Variants in C1QTNF2 observed in about 807,000 individuals in gnomAD.
C1QTNF2 encodes complement C1q tumor necrosis factor-related protein 2.
In C1QTNF2, 15 loss-of-function variants were observed where a neutral mutation model predicts 17.4. That is an observed-to-expected ratio of 0.86 (90% CI 0.58 to 1.33). The LOEUF is 1.33. Among genes scored for constraint, C1QTNF2 ranks in the 40% most tolerant of loss-of-function variants. The probability of loss-of-function intolerance (pLI) is 0.00; values close to 1 mark genes in which losing one functional copy is unlikely to be tolerated. For synonymous variants in C1QTNF2, 154 were observed against 163.3 expected (o/e 0.94, Z 0.44); for missense variants, 381 against 392.3 (o/e 0.97, Z 0.24).
chr5:160,367,187 CT>C (rs1486345982), intron 1 of C1QTNF2, among the ~76,000 whole-genome samples: 2 of 152,148 alleles, frequency 1.3e-5, no homozygotes, highest in Non-Finnish European at 2.9e-5. Context: ...CTACTCTGTA[CT>C]TTTTGTTTTG....
chr5:160,369,809 G>A (rs370472896), intron 1 of C1QTNF2, among the ~76,000 whole-genome samples: 8 of 152,158 alleles, frequency 5.3e-5, no homozygotes, highest in East Asian at 1.9e-4. Flanking sequence ...GCTGAAAAGC[G>A]AGGTCCTAGA....
intron 1 of C1QTNF2, among the ~76,000 whole-genome samples, chr5:160,363,459 C>T (rs1298498170): frequency 6.6e-6 from 1 of 152,220 alleles, no homozygotes; most frequent in African/African-American, 2.4e-5. Flanking sequence ...TATTTTCTCT[C>T]TCCTCATTTC....
intron 1 of C1QTNF2, among the ~76,000 whole-genome samples, chr5:160,357,684 G>A (rs1483581753): frequency 1.3e-5 from 2 of 152,226 alleles, no homozygotes; most frequent in Non-Finnish European, 2.9e-5. Context: ...GAGAAGGAGG[G>A]AGTAAGTGGA....
Position 160,354,909 on chromosome 5 carries a change from C to T in C1QTNF2, c.103G>A (p.Val35Ile), listed in dbSNP as rs1338534611. Residue 35 changes from valine to isoleucine, a missense_variant, in exon 2 of 3, where the codon GTC becomes ATC. Physicochemically the swap from Val to Ile is conservative, Grantham distance 29. Coordinates refer to ENST00000652664, the MANE Select transcript of C1QTNF2 (RefSeq NM_031908.6). ...RDFRKGSPQL[V>I]CSLPGPQGPP... is the part of the protein sequence containing the mutation. ...CCCTGGGGGCCAGGCAGGCTGCAGA[C>T]CAGTTGAGGGGAGCCTTTCCGGAAG... 1.9e-6 allele frequency: 3 copies of T among 1,601,956 alleles called. No homozygotes were observed. Among genetic ancestry groups the T allele is most frequent in the East Asian group, 2.2e-5 (1 of 44,486 alleles).
rs766653176 is a variant in C1QTNF2 at position 160,370,446 on chromosome 5, G to GTCC, written c.-10+63_-10+65dup. ...TCCCGCCCCGCCCGCAGCAGTGCGA[G>GTCC]TCCTCCTCCTCCTCCTCCCCGCGCG... On this transcript the variant is annotated intron_variant, in intron 1 of 2. Coordinates refer to ENST00000652664, the MANE Select transcript of C1QTNF2 (RefSeq NM_031908.6). 2.2e-5 allele frequency: 30 copies of GTCC among 1,365,626 alleles called. No individual in the cohort carries two copies. In the East Asian group the frequency reaches 4.3e-4, roughly 20 times the overall value. 84.6% of individuals were successfully genotyped at this position (1,365,626 alleles called of 1,614,324 possible).
rs1763827882 is a variant in C1QTNF2, at chr5:160,347,765, TTTTTG to T, written c.*1398_*1402del. On this transcript the variant is annotated 3_prime_UTR_variant, in exon 3 of 3. Coordinates refer to ENST00000652664, the MANE Select transcript of C1QTNF2 (RefSeq NM_031908.6). The stretch of plus-strand genomic sequence containing the variant: ...CGTTTTTGTTTTTGTTTTTTTTTTT[TTTTTG>T]TTTTTTTTTGAGATAGTCTCACTCT... The T allele has an allele frequency of 6.7e-6, 1 of 149,258 alleles. No individual in the cohort carries two copies. Among genetic ancestry groups the T allele is most frequent in the African/African-American group, 2.5e-5 (1 of 40,288 alleles). 9.2% of individuals were successfully genotyped at this position (149,258 alleles called of 1,614,324 possible).
intron 1 of C1QTNF2, among the ~76,000 whole-genome samples, chr5:160,367,574 G>C (rs1250855096): frequency 2.6e-5 from 4 of 152,218 alleles, no homozygotes; most frequent in Admixed American, 6.5e-5. Context: ...CACAGCAGAT[G>C]ATGGCCACCT....
At chr5:160,370,176 T>G (rs1418693848) in intron 1 of C1QTNF2, among the ~76,000 whole-genome samples, 2 of 152,108 alleles carry the variant, frequency 1.3e-5, no homozygotes, top group African/African-American at 4.8e-5. Context: ...TCTGTTGTCA[T>G]GAAAATGAAA....
chr5:160,362,517 A>T (rs1481007510), intron 1 of C1QTNF2, among the ~76,000 whole-genome samples: 1 of 152,182 alleles, frequency 6.6e-6, no homozygotes, highest in African/African-American at 2.4e-5. Context: ...CCCTTGCAAA[A>T]AATCACCATA....
chr5:160,361,737 C>T (rs1764157744), intron 1 of C1QTNF2, among the ~76,000 whole-genome samples: 1 of 152,188 alleles, frequency 6.6e-6, no homozygotes. Flanking sequence ...TTAACCTCCT[C>T]TGGGAAGCCC....
At chr5:160,356,011 C>G (rs1267435047) in intron 1 of C1QTNF2, among the ~76,000 whole-genome samples, 1 of 152,208 alleles carries the variant, frequency 6.6e-6, no homozygotes, top group Admixed American at 6.5e-5. Flanking sequence ...TAGACCGTGT[C>G]CTTAAGGCTG....
chr5:160,355,196 G>A (rs1764025701), intron 1 of C1QTNF2, 176 bp from the exon 2 acceptor site: 1 of 983,532 alleles, frequency 1.0e-6, no homozygotes, highest in South Asian at 4.7e-5. Context: ...GTCATATCTT[G>A]AGGACATATT....
chr5:160,349,291 G>A lies in C1QTNF2; in HGVS notation c.735C>T (p.Asp245=), dbSNP rs201096732. 30 of 1,614,092 alleles carry A rather than the reference G, an allele frequency of 1.9e-5. 1 individual carries two copies. Among genetic ancestry groups the A allele is most frequent in the South Asian group, 3.3e-5 (3 of 91,080 alleles). ...AGTAGAAGATCTGCAGCCAAACTTC[G>A]TCACCCTGCTTGAGAGCCAGGATGG... The part of the protein sequence containing the change: ...GSTILALKQG[D]EVWLQIFYSE... Residue 245 remains aspartate, a synonymous_variant, in exon 3 of 3, where the codon GAC becomes GAT. Coordinates refer to ENST00000652664, the MANE Select transcript of C1QTNF2 (RefSeq NM_031908.6). The surrounding 1 kb of genome is among the most constrained non-coding windows in gnomAD (Gnocchi z 4.3).
chr5:160,349,097 G>A lies in C1QTNF2; in HGVS notation c.*71C>T. ...CTCGACCCCCCACCCCCAGCCTACA[G>A]TTGTGGGGTCTTGCTCTGTAAGCCC... On this transcript the variant is annotated 3_prime_UTR_variant, in exon 3 of 3. Transcript: ENST00000652664. The surrounding 1 kb of genome is among the most constrained non-coding windows in gnomAD (Gnocchi z 4.3). 6.5e-7 allele frequency: 1 copy of A among 1,532,274 alleles called. No individual in the cohort carries two copies. The highest frequency in any genetic ancestry group is 8.8e-7 in the Non-Finnish European group (1 of 1,140,028). 94.9% of individuals were successfully genotyped at this position (1,532,274 alleles called of 1,614,324 possible). A position where few individuals can be genotyped will look rare whatever the true frequency, so the allele number is the denominator to read the frequency against.
intron 2 of C1QTNF2, among the ~76,000 whole-genome samples, chr5:160,353,391 G>A (rs554025973): frequency 3.3e-5 from 5 of 152,142 alleles, no homozygotes; most frequent in Non-Finnish European, 5.9e-5. Flanking sequence ...TCTGCTCGCC[G>A]TCTGCCTGGC....
At chr5:160,354,594 AAAAGTATATATAT>A (rs1361426224) in intron 2 of C1QTNF2, among the ~76,000 whole-genome samples, 161 bp downstream of exon 2, 1 of 43,386 alleles carries the variant, frequency 2.3e-5, no homozygotes, top group African/African-American at 7.6e-5. Flanking sequence ...GAAAAAAAAA[AAAAGTATATATAT>A]ATATATATAT....
chr5:160,357,198 G>A (rs1437736587), intron 1 of C1QTNF2, among the ~76,000 whole-genome samples: 1 of 152,156 alleles, frequency 6.6e-6, no homozygotes, highest in Non-Finnish European at 1.5e-5. Flanking sequence ...GGCCTTGCCC[G>A]TTTCACACCT....
At chr5:160,357,181 A>G (rs1210228692) in intron 1 of C1QTNF2, among the ~76,000 whole-genome samples, 1 of 152,076 alleles carries the variant, frequency 6.6e-6, no homozygotes, top group Non-Finnish European at 1.5e-5. Flanking sequence ...TGACAAGGGG[A>G]GCAGATGGCC....
At position 160,349,928 on chromosome 5, in the gene C1QTNF2, T is replaced by C. The variant is rs1763884956; in HGVS notation, c.245-147A>G. The C allele has an allele frequency of 1.1e-6, 1 of 884,864 alleles. No homozygotes were observed. Among genetic ancestry groups the C allele is most frequent in the South Asian group, 2.2e-5 (1 of 46,138 alleles). 54.8% of individuals were successfully genotyped at this position (884,864 alleles called of 1,614,324 possible). A position where few individuals can be genotyped will look rare whatever the true frequency, so the allele number is the denominator to read the frequency against. The stretch of plus-strand genomic sequence containing the variant: ...CTTTGCAGACATATAGAAGTGGGTG[T>C]AAATCCTAATGCTAGCTCTCTGGAA... On this transcript the variant is annotated intron_variant, in intron 2 of 2. Transcript: ENST00000652664. The surrounding 1 kb of genome is among the most constrained non-coding windows in gnomAD (Gnocchi z 4.3).
Sources: allele counts gnomAD v4.1 joint callset (sites outside exome capture counted in the v4.1 genomes callset), GRCh38; gene constraint gnomAD v4.1.1; non-coding constraint Gnocchi (gnomAD v3.1); transcripts MANE v1.5; gene names NCBI Gene and HGNC (gene_info 2026-07-23, HGNC 2026-07-21).